DIAPH3: variants seen among roughly 807,000 people sequenced by gnomAD.
DIAPH3 encodes the protein diaphanous related formin 3, also known as protein diaphanous homolog 3.
DIAPH3 carries 117 observed loss-of-function variants against 144.3 expected under a neutral mutation model. That is an observed-to-expected ratio of 0.81 (90% confidence interval 0.70 to 0.95). The LOEUF (loss-of-function observed/expected upper bound fraction) is 0.95. Among genes scored for constraint, DIAPH3 ranks in the 40% least tolerant of loss-of-function variants. The pLI, the probability that DIAPH3 is intolerant of heterozygous loss-of-function variation, is 0.00. For synonymous variants in DIAPH3, 519 were observed against 488.9 expected (o/e 1.06, Z -0.81); for missense variants, 1,421 against 1,412.7 (o/e 1.01, Z -0.09).
chr13:59,810,099 C>T (rs980389112), intron 25 of DIAPH3, among the ~76,000 whole-genome samples: 2 of 151,788 alleles, frequency 1.3e-5, no homozygotes, highest in African/African-American at 4.8e-5. Context: ...AACATATTGA[C>T]AACAATTTTG....
intron 27 of DIAPH3, among the ~76,000 whole-genome samples, chr13:59,750,929 A>G (rs1235743100): frequency 6.6e-6 from 1 of 152,196 alleles, no homozygotes; most frequent in Non-Finnish European, 1.5e-5. Context: ...TCCCAGATCA[A>G]CAGTTGTCAG....
intron 27 of DIAPH3, among the ~76,000 whole-genome samples, chr13:59,721,489 T>C (rs2035341472): frequency 6.6e-6 from 1 of 152,218 alleles, no homozygotes; most frequent in Non-Finnish European, 1.5e-5. Flanking sequence ...CTCATGTTTT[T>C]TTTAAAGTTA....
chr13:60,076,932 G>A (rs540297177), intron 4 of DIAPH3, among the ~76,000 whole-genome samples: 3 of 152,160 alleles, frequency 2.0e-5, no homozygotes, highest in Admixed American at 6.6e-5. Flanking sequence ...CTATAGCACT[G>A]TTAATGTGAG....
intron 4 of DIAPH3, among the ~76,000 whole-genome samples, chr13:60,091,672 A>G (rs2057938562): frequency 6.6e-6 from 1 of 152,158 alleles, no homozygotes; most frequent in South Asian, 2.1e-4. Context: ...TTACTGATGT[A>G]CTTTTCTCTA....
chr13:59,835,462 T>TA (rs1444190158), intron 23 of DIAPH3, among the ~76,000 whole-genome samples: 4 of 151,768 alleles, frequency 2.6e-5, no homozygotes, highest in African/African-American at 9.7e-5. Context: ...GCTTGACTGT[T>TA]AAAGAGCAGT....
intron 24 of DIAPH3, among the ~76,000 whole-genome samples, chr13:59,828,803 T>G (rs2041609036): frequency 6.6e-6 from 1 of 151,850 alleles, no homozygotes; most frequent in Non-Finnish European, 1.5e-5. Flanking sequence ...TTACTCCCTA[T>G]TTCTTGGGAA....
At chr13:59,996,977 T>A (rs1033753954) in intron 9 of DIAPH3, among the ~76,000 whole-genome samples, 9 of 152,088 alleles carry the variant, frequency 5.9e-5, no homozygotes, top group African/African-American at 2.2e-4. Flanking sequence ...AACACAAATA[T>A]GAGAAAAGAC....
intron 4 of DIAPH3, among the ~76,000 whole-genome samples, chr13:60,047,519 A>T (rs1330141036): frequency 1.3e-5 from 2 of 152,190 alleles, no homozygotes; most frequent in Non-Finnish European, 2.9e-5. Flanking sequence ...AATATAACTT[A>T]TATCATCAAT....
At chr13:59,840,642 T>A (rs1051372691) in intron 22 of DIAPH3, among the ~76,000 whole-genome samples, 3 of 152,114 alleles carry the variant, frequency 2.0e-5, no homozygotes, top group African/African-American at 4.8e-5. Context: ...TTTCTTATTT[T>A]AAAAAATTAG....
chr13:60,009,511 A>C (rs755463158), intron 8 of DIAPH3, among the ~76,000 whole-genome samples: 88 of 152,338 alleles, frequency 5.8e-4, no homozygotes, highest in Non-Finnish European at 1.1e-3. Context: ...AGGGAAGCTC[A>C]GAAAGTATCA....
chr13:59,968,754 T>C (rs1410149300), intron 17 of DIAPH3, among the ~76,000 whole-genome samples: 1 of 152,238 alleles, frequency 6.6e-6, no homozygotes, highest in Non-Finnish European at 1.5e-5. Context: ...GATTCTAATC[T>C]TTCAGAAACT....
chr13:59,910,358 G>A (rs541233022), intron 20 of DIAPH3, among the ~76,000 whole-genome samples: 4 of 152,172 alleles, frequency 2.6e-5, no homozygotes, highest in Non-Finnish European at 4.4e-5. Context: ...AGGGGCAGGC[G>A]GGGAAGAGAA....
At chr13:60,004,898 A>G (rs17668885) in intron 9 of DIAPH3, among the ~76,000 whole-genome samples, 1 of 152,180 alleles carries the variant, frequency 6.6e-6, no homozygotes, top group Non-Finnish European at 1.5e-5. Context: ...ATCATCACCT[A>G]CTATGTCCCA....
intron 4 of DIAPH3, among the ~76,000 whole-genome samples, chr13:60,087,756 A>C (rs181994626): frequency 6.6e-6 from 1 of 151,534 alleles, no homozygotes; most frequent in Admixed American, 6.6e-5. Flanking sequence ...CATTTATAAA[A>C]GAGGAATTCT....
chr13:59,885,340 G>A (rs1253396553), intron 20 of DIAPH3, among the ~76,000 whole-genome samples: 1 of 147,788 alleles, frequency 6.8e-6, no homozygotes, highest in African/African-American at 2.5e-5. Flanking sequence ...TCCCATCGTA[G>A]AAAACCAGTG....
intron 21 of DIAPH3, among the ~76,000 whole-genome samples, chr13:59,874,964 A>C (rs564194749): frequency 4.6e-5 from 7 of 152,164 alleles, no homozygotes; most frequent in Non-Finnish European, 1.0e-4. Flanking sequence ...ACATCTTCTT[A>C]AATTTACAAG....
intron 13 of DIAPH3, among the ~76,000 whole-genome samples, chr13:59,982,884 T>C (rs1284093911): frequency 2.0e-5 from 3 of 151,558 alleles, no homozygotes; most frequent in Non-Finnish European, 4.4e-5. Flanking sequence ...AATAATCAGA[T>C]AGGTTAATAA....
intron 27 of DIAPH3, among the ~76,000 whole-genome samples, chr13:59,693,182 C>G (rs1245425015): frequency 6.6e-6 from 1 of 152,118 alleles, no homozygotes; most frequent in African/African-American, 2.4e-5. Context: ...GTGGAAGGCG[C>G]TTATGACTGG....
chr13:59,850,920 G>T (rs1391710880), intron 22 of DIAPH3, among the ~76,000 whole-genome samples: 2 of 147,564 alleles, frequency 1.4e-5, no homozygotes, highest in East Asian at 3.9e-4. Context: ...GGACCAGATG[G>T]ATTCACAGCC....
Sources: allele counts gnomAD v4.1 joint callset (sites outside exome capture counted in the v4.1 genomes callset), GRCh38; gene constraint gnomAD v4.1.1; transcripts MANE v1.5; gene names NCBI Gene and HGNC (gene_info 2026-07-23, HGNC 2026-07-21).